Variants in PVALB observed in about 807,000 individuals in gnomAD.
PVALB encodes the protein parvalbumin.
Under a neutral mutation model 10.9 loss-of-function variants are expected in PVALB, and 11 were observed. That is an observed-to-expected ratio of 1.01 (90% confidence interval 0.63 to 1.67). The LOEUF is 1.67. Among genes scored for constraint, PVALB ranks in the 40% most tolerant of loss-of-function variants. The pLI is 0.00. For missense variants in PVALB, 131 were observed against 136.2 expected (o/e 0.96, Z 0.19); for synonymous variants, 57 against 50.7 (o/e 1.12, Z -0.53).
At position 36,815,741 on chromosome 22, in the gene PVALB, A is replaced by G. The variant is rs532333310; in HGVS notation, c.62-506T>C. On this transcript the variant is annotated intron_variant, in intron 1 of 3. Coordinates refer to ENST00000417718, the MANE Select transcript of PVALB (RefSeq NM_001315532.2). ...GTTTCCCTCAAGGTCATACAGTGGG[A>G]GGAGGAGGGGCAAACCCGGAAGTCC... 1.3e-4 allele frequency among the ~76,000 whole-genome samples: 20 copies of G among 152,162 alleles called. 1 individual carries two copies. In the South Asian group the frequency reaches 4.0e-3, roughly 30 times the overall value.
intron 3 of PVALB, among the ~76,000 whole-genome samples, chr22:36,803,709 A>ATGGG (rs1314870368): frequency 1.3e-4 from 10 of 79,108 alleles, no homozygotes; most frequent in South Asian, 4.1e-4. Flanking sequence ...GGATGGATGG[A>ATGGG]TGGGTGGGTG....
intron 1 of PVALB, chr22:36,816,413 C>A (rs905220553): frequency 6.5e-6 from 1 of 152,742 alleles, no homozygotes; most frequent in Admixed American, 6.5e-5. Flanking sequence ...AGCTGTGCGC[C>A]GGCTCCAGAA....
At chr22:36,808,977 T>C (rs1265113594) in intron 3 of PVALB, among the ~76,000 whole-genome samples, 1 of 152,198 alleles carries the variant, frequency 6.6e-6, no homozygotes, top group South Asian at 2.1e-4. Context: ...CTGGAAGTAG[T>C]TGCCCCAGAG....
At chr22:36,802,579 A>G (rs1373630966) in intron 3 of PVALB, among the ~76,000 whole-genome samples, 2 of 137,796 alleles carry the variant, frequency 1.5e-5, no homozygotes, top group East Asian at 2.2e-4. Context: ...CCAGCCTGGT[A>G]ACAGAGTGAG....
intron 3 of PVALB, among the ~76,000 whole-genome samples, chr22:36,807,309 G>A (rs1938966067): frequency 6.6e-6 from 1 of 152,060 alleles, no homozygotes; most frequent in Admixed American, 6.5e-5. Flanking sequence ...AAACCTCATT[G>A]AGCTGGTACC....
At chr22:36,807,569 G>C (rs566852297) in intron 3 of PVALB, among the ~76,000 whole-genome samples, 1 of 152,086 alleles carries the variant, frequency 6.6e-6, no homozygotes, top group South Asian at 2.1e-4. Context: ...GGTGGCTTAC[G>C]AGCAAAACAT....
At chr22:36,804,289 C>T (rs1393534010) in intron 3 of PVALB, among the ~76,000 whole-genome samples, 7 of 152,178 alleles carry the variant, frequency 4.6e-5, no homozygotes, top group Non-Finnish European at 1.0e-4. Context: ...GAGGGACTCT[C>T]CGGTGACGGA....
At chr22:36,806,967 G>A (rs1938959275) in intron 3 of PVALB, among the ~76,000 whole-genome samples, 1 of 152,132 alleles carries the variant, frequency 6.6e-6, no homozygotes, top group Non-Finnish European at 1.5e-5. Context: ...GGAGAGGGAT[G>A]CATGGAGGGG....
chr22:36,812,291 G>A (rs902893889), intron 3 of PVALB, among the ~76,000 whole-genome samples: 1 of 152,172 alleles, frequency 6.6e-6, no homozygotes, highest in African/African-American at 2.4e-5. Flanking sequence ...GGATGTTTAT[G>A]AAGCACCTGC....
chr22:36,801,929 T>G (rs1254284650), intron 3 of PVALB, among the ~76,000 whole-genome samples: 1 of 152,194 alleles, frequency 6.6e-6, no homozygotes, highest in Non-Finnish European at 1.5e-5. Context: ...TGTATCTCTC[T>G]GGGTTTTGGT....
chr22:36,811,950 T>C (rs897931039), intron 3 of PVALB, among the ~76,000 whole-genome samples: 1 of 152,126 alleles, frequency 6.6e-6, no homozygotes, highest in African/African-American at 2.4e-5. Context: ...GGGGACCCCC[T>C]GCATTTGACC....
intron 1 of PVALB, chr22:36,815,480 C>T: frequency 3.7e-6 from 2 of 540,758 alleles, no homozygotes; most frequent in South Asian, 4.1e-5. Context: ...CAAGCCCGCC[C>T]CCACGCCCCA....
intron 3 of PVALB, chr22:36,813,336 C>A (rs1939075110): frequency 3.0e-6 from 1 of 330,074 alleles, no homozygotes; most frequent in Non-Finnish European, 5.6e-6. Flanking sequence ...GAGGTTGGGC[C>A]AGTATCCATG....
chr22:36,804,457 G>A (rs1165598842), intron 3 of PVALB, among the ~76,000 whole-genome samples: 5 of 152,222 alleles, frequency 3.3e-5, no homozygotes, highest in South Asian at 2.1e-4. Context: ...AGAGAACACG[G>A]AATTCTAATT....
chr22:36,813,625 C>T (rs549006679), intron 3 of PVALB, 21 bp downstream of exon 3: 2 of 1,577,936 alleles, frequency 1.3e-6, no homozygotes, highest in South Asian at 2.2e-5. Context: ...TATGCCCAGA[C>T]CCCAGGTCAC....
chr22:36,811,650 C>A, intron 3 of PVALB: 1 of 418,628 alleles, frequency 2.4e-6, no homozygotes, highest in South Asian at 1.7e-5. Context: ...GAGCAGTCAG[C>A]CATGAAGACC....
chr22:36,816,893 C>A, intron 1 of PVALB, 52 bp downstream of exon 1: 1 of 1,499,458 alleles, frequency 6.7e-7, no homozygotes. Context: ...AGTGCAGGGG[C>A]GCGGGCGGTG....
chr22:36,802,316 C>T lies in PVALB; in HGVS notation c.305-1398G>A, dbSNP rs541060256. ...ATGCTGTATTGTAGAAATAACCTGG[C>T]ACTGGGCTGGGCACGGTGGCTCGCT... is the stretch of plus-strand genomic sequence containing the variant. On this transcript the variant is annotated intron_variant, in intron 3 of 3. Transcript: ENST00000417718. Among the ~76,000 whole-genome samples, 52 of 152,156 alleles carry T rather than the reference C, an allele frequency of 3.4e-4. No homozygotes were observed. In the South Asian group the frequency reaches 9.6e-3, roughly 28 times the overall value.
intron 3 of PVALB, among the ~76,000 whole-genome samples, chr22:36,805,688 G>GC (rs1263966928): frequency 3.3e-5 from 5 of 152,156 alleles, no homozygotes; most frequent in Admixed American, 3.3e-4. Flanking sequence ...GTATAATAAT[G>GC]CCTGTTTGGA....
Sources: gnomAD v4.1 joint callset for allele counts (sites outside exome capture counted in the v4.1 genomes callset) on GRCh38, gnomAD v4.1.1 for gene constraint, MANE v1.5 for transcripts, NCBI Gene and HGNC (gene_info 2026-07-23, HGNC 2026-07-21) for gene names.